The following TEX52 variants were observed in gnomAD, a reference collection of about 807,000 sequenced individuals.
The protein encoded by TEX52 is testis-expressed protein 52.
Under a neutral mutation model 17.6 loss-of-function variants are expected in TEX52, and 22 were observed. The observed-to-expected ratio is 1.25, with a 90% confidence interval of 0.89 to 1.78. TEX52 has a LOEUF of 1.78. Among genes scored for constraint, TEX52 ranks in the 40% most tolerant of loss-of-function variants. The pLI is 0.00. For missense variants in TEX52, 396 were observed against 372.3 expected, an observed-to-expected ratio of 1.06 and a Z score of -0.52; for synonymous variants, 168 against 147.4, an observed-to-expected ratio of 1.14 and a Z score of -1.01.
intron 2 of TEX52, among the ~76,000 whole-genome samples, chr12:2,850,565 T>C (rs1314010937): frequency 6.6e-6 from 1 of 152,032 alleles, no homozygotes; most frequent in Non-Finnish European, 1.5e-5. Context: ...AACAAGATCA[T>C]GCTTACATCT....
downstream of TEX52, among the ~76,000 whole-genome samples, chr12:2,848,763 C>G (rs573705961): frequency 5.9e-5 from 9 of 152,226 alleles, no homozygotes; most frequent in African/African-American, 2.2e-4. Flanking sequence ...AAGAGGCTTT[C>G]TATACCCTGA....
At position 2,849,078 on chromosome 12, in the gene TEX52, G is replaced by T; in HGVS notation, c.*153C>A. 1 of 706,274 alleles carries T rather than the reference G, an allele frequency of 1.4e-6. No individual in the cohort carries two copies. The highest frequency in any genetic ancestry group is 2.3e-6 in the Non-Finnish European group (1 of 436,016). 43.8% of individuals were successfully genotyped at this position (706,274 alleles called of 1,614,324 possible). A position where few individuals can be genotyped will look rare whatever the true frequency, so the allele number is the denominator to read the frequency against. ...TGAATCTCCAATAGCCTGGGGTACA[G>T]AGGTGGCTTGAGGCTGGGAGGATGG... On this transcript the variant is annotated 3_prime_UTR_variant, in exon 3 of 3. Coordinates refer to ENST00000637658, the MANE Select transcript of TEX52 (RefSeq NM_001365174.2).
At chr12:2,853,084 T>C (rs1357778797) in intron 2 of TEX52, among the ~76,000 whole-genome samples, 1 of 151,962 alleles carries the variant, frequency 6.6e-6, no homozygotes, top group Non-Finnish European at 1.5e-5. Context: ...TACAGAGAAG[T>C]GTTTGGCAGA....
Position 2,856,934 on chromosome 12 carries a change from C to A in TEX52, c.72+21G>T, listed in dbSNP as rs1342887087. On this transcript the variant is annotated intron_variant, in intron 1 of 2. Transcript: ENST00000637658. ...CAGTGGGGTACAAAAAGGTAGGCGG[C>A]AGAGATGGGCCACCCCCTACCTGCA... The A allele has an allele frequency of 8.5e-6, 6 of 703,028 alleles. No homozygotes were observed. The Admixed American group carries it at 1.2e-4, about 14-fold the overall frequency. 43.5% of individuals were successfully genotyped at this position (703,028 alleles called of 1,614,324 possible). A position where few individuals can be genotyped will look rare whatever the true frequency, so the allele number is the denominator to read the frequency against.
At position 2,849,194 on chromosome 12, in the gene TEX52, G is replaced by T. The variant is rs752346322; in HGVS notation, c.*37C>A. On this transcript the variant is annotated 3_prime_UTR_variant, in exon 3 of 3. Coordinates refer to ENST00000637658, the MANE Select transcript of TEX52 (RefSeq NM_001365174.2). ...TTGATTGAGAACACTGGAGCCTGGG[G>T]CTCTGGGTATCACGATCGTCCCCTC... The T allele has an allele frequency of 3.3e-6, 5 of 1,508,970 alleles. No individual in the cohort carries two copies. Among genetic ancestry groups the T allele is most frequent in the African/African-American group, 2.8e-5 (2 of 72,016 alleles). 93.5% of individuals were successfully genotyped at this position (1,508,970 alleles called of 1,614,324 possible).
chr12:2,850,469 C>G (rs1452520151), intron 2 of TEX52, among the ~76,000 whole-genome samples: 2 of 117,286 alleles, frequency 1.7e-5, no homozygotes, highest in East Asian at 4.8e-4. Flanking sequence ...GAGCAAGACT[C>G]TGTCTCAAAA....
intron 1 of TEX52, among the ~76,000 whole-genome samples, chr12:2,855,871 C>T (rs925774270): frequency 2.0e-5 from 3 of 152,112 alleles, no homozygotes; most frequent in Non-Finnish European, 4.4e-5. Flanking sequence ...TCACTTGCTC[C>T]TGGTCTTGGC....
chr12:2,854,926 C>T lies in TEX52; in HGVS notation c.593G>A (p.Gly198Asp). 1.3e-6 allele frequency: 2 copies of T among 1,535,822 alleles called. No individual in the cohort carries two copies. Among genetic ancestry groups the T allele is most frequent in the Middle Eastern group, 1.7e-4 (1 of 5,988 alleles). The change falls in exon 2 of 3, where the codon GGC (glycine) becomes GAC (aspartate). Residue 198 changes from glycine to aspartate, a missense_variant. By Grantham distance (94) the Gly-to-Asp change is moderately conservative. Coordinates refer to ENST00000637658, the MANE Select transcript of TEX52 (RefSeq NM_001365174.2). ...GAAGCTCGCTGGCGGCTGGATGTTG[C>T]CCTGGGCATCGAGTGGGGGTGCTCT... ...EARAPPLDAQ[G>D]NIQPPASFKK...
intron 1 of TEX52, 122 bp downstream of exon 1, chr12:2,856,833 C>G (rs1267513907): frequency 4.6e-6 from 3 of 658,208 alleles, no homozygotes; most frequent in East Asian, 2.7e-5. Flanking sequence ...AAGGGGAAGA[C>G]AGCAGAAAAT....
downstream of TEX52, among the ~76,000 whole-genome samples, chr12:2,847,868 C>T (rs1232021332): frequency 1.3e-5 from 2 of 152,222 alleles, no homozygotes; most frequent in Non-Finnish European, 2.9e-5. Flanking sequence ...TTCATCCACA[C>T]TGTAGCATCT....
At chr12:2,850,503 C>G (rs184028779) in intron 2 of TEX52, among the ~76,000 whole-genome samples, 2 of 151,152 alleles carry the variant, frequency 1.3e-5, no homozygotes, top group African/African-American at 4.9e-5. Flanking sequence ...AAATGGGGCC[C>G]CAGGTCATGA....
intron 2 of TEX52, among the ~76,000 whole-genome samples, chr12:2,854,255 C>A (rs1167409775): frequency 6.6e-6 from 1 of 152,022 alleles, no homozygotes; most frequent in African/African-American, 2.4e-5. Context: ...GAACTCCCTA[C>A]CTCAGGTGAT....
rs746236199 is a variant in TEX52, at chr12:2,857,014, G to C, written c.13C>G (p.Arg5Gly). 8.5e-6 allele frequency: 6 copies of C among 702,862 alleles called. No individual in the cohort carries two copies. Among genetic ancestry groups the C allele is most frequent in the Non-Finnish European group, 1.6e-5 (6 of 385,000 alleles). 43.5% of individuals were successfully genotyped at this position (702,862 alleles called of 1,614,324 possible). MASN[R>G]QRSLRGPSHP... is the part of the protein sequence containing the mutation. The stretch of plus-strand genomic sequence containing the variant: ...CTGGGCCCTCTGAGTGATCTTTGCC[G>C]GTTACTGGCCATTCTTCTGGGCCTC... The change falls in exon 1 of 3, where the codon CGG becomes GGG. Residue 5 changes from arginine (R) to glycine (G), a missense_variant. Coordinates refer to ENST00000637658, the MANE Select transcript of TEX52 (RefSeq NM_001365174.2).
chr12:2,851,169 A>C lies in TEX52; in HGVS notation c.624-1644T>G, dbSNP rs187197680. On this transcript the variant is annotated intron_variant, in intron 2 of 2. Transcript: ENST00000637658. ...CAAGAGCGAAACTCCATCTGAAAAA[A>C]AAAAATTAAAGATTTAAAGATGTAT... 8.6e-4 allele frequency among the ~76,000 whole-genome samples: 131 copies of C among 151,798 alleles called. 1 individual carries two copies. Among genetic ancestry groups the C allele is most frequent in the African/African-American group, 2.6e-3 (109 of 41,394 alleles).
At chr12:2,848,077 A>T (rs1181466566), downstream of TEX52, among the ~76,000 whole-genome samples, 1 of 152,218 alleles carries the variant, frequency 6.6e-6, no homozygotes, top group African/African-American at 2.4e-5. Flanking sequence ...AGGAACCTGA[A>T]AGCCAGAGGG....
At chr12:2,850,615 G>T (rs571428800) in intron 2 of TEX52, among the ~76,000 whole-genome samples, 1 of 152,206 alleles carries the variant, frequency 6.6e-6, no homozygotes, top group African/African-American at 2.4e-5. Flanking sequence ...TACAGCTTCA[G>T]TGCTTCAGTG....
At chr12:2,851,543 A>G (rs2098071043) in intron 2 of TEX52, among the ~76,000 whole-genome samples, 1 of 151,906 alleles carries the variant, frequency 6.6e-6, no homozygotes, top group Admixed American at 6.6e-5. Flanking sequence ...GGGTTTCGCC[A>G]TGGTGGCCAG....
chr12:2,856,129 A>G (rs1359229699), intron 1 of TEX52, among the ~76,000 whole-genome samples: 1 of 152,120 alleles, frequency 6.6e-6, no homozygotes. Context: ...CCACAACTCT[A>G]TGAGCAAGTA....
chr12:2,854,871 G>T (rs879562870), intron 2 of TEX52, 25 bp downstream of exon 2: 2 of 1,514,144 alleles, frequency 1.3e-6, no homozygotes, highest in Non-Finnish European at 1.8e-6. Flanking sequence ...GGCTGGGTGG[G>T]CTCCCTGAGG....
Sources: gnomAD v4.1 joint callset for allele counts (sites outside exome capture counted in the v4.1 genomes callset) on GRCh38, gnomAD v4.1.1 for gene constraint, MANE v1.5 for transcripts, NCBI Gene and HGNC (gene_info 2026-07-23, HGNC 2026-07-21) for gene names.